Variants in HSPA12A observed in about 807,000 individuals in gnomAD.
HSPA12A encodes heat shock protein family A (Hsp70) member 12A.
In HSPA12A, 28 loss-of-function variants were observed where a neutral mutation model predicts 69.2. The observed-to-expected ratio is 0.40, with a 90% CI of 0.30 to 0.55. HSPA12A has a LOEUF of 0.55. HSPA12A is among the 20% of genes least tolerant of loss of function. HSPA12A has a pLI of 0.38. For missense variants in HSPA12A, 686 were observed against 900.7 expected, an observed-to-expected ratio of 0.76 and a Z score of 3.05; for synonymous variants, 345 against 370.5, an observed-to-expected ratio of 0.93 and a Z score of 0.79.
chr10:116,719,358 C>T (rs1589658283), intron 1 of HSPA12A, among the ~76,000 whole-genome samples: 1 of 152,178 alleles, frequency 6.6e-6, no homozygotes, highest in African/African-American at 2.4e-5. Context: ...CGCACAGGGG[C>T]GTGAGGCCAC....
chr10:116,728,033 C>A (rs1041099077), intron 1 of HSPA12A, among the ~76,000 whole-genome samples: 2 of 152,116 alleles, frequency 1.3e-5, no homozygotes, highest in African/African-American at 2.4e-5. Context: ...TGGTCTCGAA[C>A]TCCTGACCTC....
At chr10:116,684,000 C>T in intron 6 of HSPA12A, 38 bp from the exon 7 acceptor site, 1 of 1,498,816 alleles carries the variant, frequency 6.7e-7, no homozygotes, top group Non-Finnish European at 9.0e-7. Context: ...CCAGGGCCCC[C>T]TGGGCCGGCC....
chr10:116,770,821 C>T (rs1844187177), intron 2 of HSPA12A, among the ~76,000 whole-genome samples: 1 of 152,200 alleles, frequency 6.6e-6, no homozygotes, highest in Non-Finnish European at 1.5e-5. Context: ...TGTGAATTTG[C>T]TTTAAACATG....
chr10:116,823,768 C>T (rs968845465), intron 2 of HSPA12A, among the ~76,000 whole-genome samples: 18 of 152,026 alleles, frequency 1.2e-4, no homozygotes, highest in South Asian at 4.1e-4. Context: ...AAAGCCGAAA[C>T]GTTAAGAGGT....
chr10:116,776,576 G>A (rs1844343231), intron 2 of HSPA12A, among the ~76,000 whole-genome samples: 1 of 152,120 alleles, frequency 6.6e-6, no homozygotes, highest in Non-Finnish European at 1.5e-5. Context: ...AAAACAAAAT[G>A]GAAAGCCTAA....
At chr10:116,709,532 A>G (rs925841037) in intron 1 of HSPA12A, among the ~76,000 whole-genome samples, 1 of 152,222 alleles carries the variant, frequency 6.6e-6, no homozygotes, top group Admixed American at 6.5e-5. Context: ...AAAAGGAAGA[A>G]CATTCTTATA....
At chr10:116,742,375 C>A in intron 1 of HSPA12A, 55 bp downstream of exon 1, 1 of 1,418,232 alleles carries the variant, frequency 7.1e-7, no homozygotes, top group Non-Finnish European at 9.2e-7. Flanking sequence ...CCAAGCGCGC[C>A]TCCTCCCTCC....
At chr10:116,742,794 C>G (rs1287582186), upstream of HSPA12A, among the ~76,000 whole-genome samples, 54 of 152,046 alleles carry the variant, frequency 3.6e-4, 1 homozygote, top group South Asian at 1.7e-3. Flanking sequence ...GCTTCGGGAC[C>G]GAGCGGTCGC....
chr10:116,716,127 G>A (rs1173299066), intron 1 of HSPA12A, among the ~76,000 whole-genome samples: 2 of 151,584 alleles, frequency 1.3e-5, no homozygotes, highest in African/African-American at 4.9e-5. Flanking sequence ...TAGCCGCTCT[G>A]TGAACCCAGG....
chr10:116,792,613 C>CAAAAAAA (rs56344323), intron 2 of HSPA12A, among the ~76,000 whole-genome samples: 36 of 107,980 alleles, frequency 3.3e-4, no homozygotes, highest in African/African-American at 1.3e-3. Context: ...CTTGCATCTA[C>CAAAAAAA]AAAAAAAAAA....
intron 2 of HSPA12A, among the ~76,000 whole-genome samples, chr10:116,812,079 C>G (rs1056809835): frequency 6.6e-6 from 1 of 152,176 alleles, no homozygotes; most frequent in African/African-American, 2.4e-5. Context: ...TTGTATTCAT[C>G]TGGGAAAAGT....
At chr10:116,819,256 G>A (rs1309234178) in intron 2 of HSPA12A, among the ~76,000 whole-genome samples, 1 of 152,156 alleles carries the variant, frequency 6.6e-6, no homozygotes, top group Non-Finnish European at 1.5e-5. Context: ...CTCTCATCTG[G>A]ATGGCTCCAC....
chr10:116,813,982 AG>A (rs1421115987), intron 2 of HSPA12A, among the ~76,000 whole-genome samples: 1 of 152,210 alleles, frequency 6.6e-6, no homozygotes, highest in Non-Finnish European at 1.5e-5. Flanking sequence ...AAAAGACAAT[AG>A]GAACAGACCC....
At chr10:116,683,082 G>A (rs946762301) in intron 7 of HSPA12A, among the ~76,000 whole-genome samples, 11 of 151,590 alleles carry the variant, frequency 7.3e-5, no homozygotes, top group African/African-American at 2.2e-4. Context: ...AACAGTGCCC[G>A]GCGCCACCCC....
At chr10:116,807,934 GCAGGAGGATCAGT>G (rs1845099077) in intron 2 of HSPA12A, among the ~76,000 whole-genome samples, 2 of 152,164 alleles carry the variant, frequency 1.3e-5, no homozygotes, top group Admixed American at 1.3e-4. Context: ...TCTCTAGAAG[GCAGGAGGATCAGT>G]CAGCACTGCT....
chr10:116,834,695 T>C (rs1400865716), intron 2 of HSPA12A, among the ~76,000 whole-genome samples: 1 of 152,170 alleles, frequency 6.6e-6, no homozygotes, highest in South Asian at 2.1e-4. Context: ...TTTGGATAGG[T>C]GGGAAACGAA....
rs545771048 is a variant in HSPA12A, at chr10:116,742,187, C to G, written c.40+243G>C. Among the ~76,000 whole-genome samples, 21 of 152,050 alleles carry G rather than the reference C, an allele frequency of 1.4e-4. No individual in the cohort carries two copies. The South Asian group carries it at 4.3e-3, about 31-fold the overall frequency. On this transcript the variant is annotated intron_variant, in intron 1 of 11. Transcript: ENST00000369209. ...GCGCCTCAGCGGGGGCTGCAGTCCC[C>G]GCCGCGGAGTCCGCACCCTGGCGGG...
At chr10:116,842,526 C>CA (rs772504968) in intron 1 of HSPA12A, among the ~76,000 whole-genome samples, 4 of 152,094 alleles carry the variant, frequency 2.6e-5, no homozygotes, top group Non-Finnish European at 5.9e-5. Flanking sequence ...AGTTATGTTA[C>CA]AAAAATAGCT....
chr10:116,694,782 C>T (rs1341018171), intron 5 of HSPA12A, among the ~76,000 whole-genome samples: 1 of 152,160 alleles, frequency 6.6e-6, no homozygotes, highest in Non-Finnish European at 1.5e-5. Flanking sequence ...CCTCTGCAAC[C>T]TTTGCTCTTC....
Sources: gnomAD v4.1 joint callset for allele counts (sites outside exome capture counted in the v4.1 genomes callset) on GRCh38, gnomAD v4.1.1 for gene constraint, MANE v1.5 for transcripts, NCBI Gene and HGNC (gene_info 2026-07-23, HGNC 2026-07-21) for gene names.